Variants in UNC5C observed in about 807,000 individuals in gnomAD.
UNC5C encodes the protein unc-5 netrin receptor C, also known as netrin receptor UNC5C.
UNC5C carries 47 observed loss-of-function variants against 99.8 expected under a neutral mutation model. That is an observed-to-expected ratio of 0.47 (90% CI 0.37 to 0.60). The LOEUF is 0.60. Among genes scored for constraint, UNC5C ranks in the 20% least tolerant of loss-of-function variants. The probability of loss-of-function intolerance (pLI) is 0.00; values close to 1 mark genes in which losing one functional copy is unlikely to be tolerated. For missense variants in UNC5C, 1,062 were observed against 1,165.9 expected (o/e 0.91, Z 1.30); for synonymous variants, 487 against 452.2 (o/e 1.08, Z -0.98).
chr4:95,199,426 C>T (rs1268976876), intron 12 of UNC5C, among the ~76,000 whole-genome samples: 1 of 152,092 alleles, frequency 6.6e-6, no homozygotes, highest in Non-Finnish European at 1.5e-5. Flanking sequence ...AAGAAAGCCT[C>T]ATCCATTATT....
At chr4:95,350,491 A>T (rs933702725) in intron 1 of UNC5C, among the ~76,000 whole-genome samples, 2 of 152,066 alleles carry the variant, frequency 1.3e-5, no homozygotes, top group Non-Finnish European at 2.9e-5. Flanking sequence ...GTCTCAAAAA[A>T]AAAAAAGTTC....
chr4:95,251,761 A>G (rs949833756), intron 4 of UNC5C, among the ~76,000 whole-genome samples: 10 of 152,202 alleles, frequency 6.6e-5, no homozygotes, highest in Admixed American at 3.9e-4. Context: ...AGACGTCTAG[A>G]AATTAATCTC....
At chr4:95,492,306 G>A (rs952466525) in intron 1 of UNC5C, among the ~76,000 whole-genome samples, 9 of 150,932 alleles carry the variant, frequency 6.0e-5, no homozygotes, top group African/African-American at 1.7e-4. Context: ...TGCTACTTCC[G>A]CCATTTATTG....
At position 95,301,558 on chromosome 4, in the gene UNC5C, T is replaced by C. The variant is rs374011464; in HGVS notation, c.490+48A>G. On this transcript the variant is annotated intron_variant, in intron 3 of 15. Transcript: ENST00000453304. ...TAGTCACAGTGTAAACTTTCCCTTA[T>C]GTGTATCAACTTCTGAGACCCAAGG... The C allele has an allele frequency of 5.0e-6, 8 of 1,611,266 alleles. No individual in the cohort carries two copies. In the African/African-American group the frequency reaches 5.3e-5, roughly 11 times the overall value.
At position 95,548,962 on chromosome 4, in the gene UNC5C, C is replaced by A. The variant is rs1372608538; in HGVS notation, c.-105G>T. 2.1e-6 allele frequency: 3 copies of A among 1,453,780 alleles called. No homozygotes were observed. Among genetic ancestry groups the A allele is most frequent in the South Asian group, 2.6e-5 (2 of 76,554 alleles). The allele number at this position is 1,453,780 out of a possible 1,614,324, so 90.1% of individuals were successfully genotyped here. On this transcript the variant is annotated 5_prime_UTR_variant, in exon 1 of 16. Transcript: ENST00000453304. The stretch of plus-strand genomic sequence containing the variant: ...TGAATCCGTGCACCGCGAAGCAGTC[C>A]GAAGAAATAACGACAACCAAGCGCC...
At chr4:95,484,489 A>G (rs1234500684) in intron 1 of UNC5C, among the ~76,000 whole-genome samples, 1 of 151,764 alleles carries the variant, frequency 6.6e-6, no homozygotes, top group Non-Finnish European at 1.5e-5. Context: ...GTGTTGGGTG[A>G]CAACCTGTGG....
At chr4:95,534,835 C>A (rs1722735089) in intron 1 of UNC5C, among the ~76,000 whole-genome samples, 1 of 151,998 alleles carries the variant, frequency 6.6e-6, no homozygotes, top group South Asian at 2.1e-4. Context: ...AGAACTTTGA[C>A]CTTGCTTGGA....
At chr4:95,402,561 G>A (rs1422050675) in intron 1 of UNC5C, among the ~76,000 whole-genome samples, 1 of 152,270 alleles carries the variant, frequency 6.6e-6, no homozygotes, top group East Asian at 1.9e-4. Flanking sequence ...ATCCCAGAGG[G>A]CCTTAAAACA....
chr4:95,387,710 T>C (rs143164694), intron 1 of UNC5C, among the ~76,000 whole-genome samples: 2 of 152,250 alleles, frequency 1.3e-5, no homozygotes, highest in African/African-American at 4.8e-5. Context: ...GTAAGATTTT[T>C]TTCTTTTTGC....
intron 2 of UNC5C, among the ~76,000 whole-genome samples, chr4:95,329,183 G>A (rs1157382309): frequency 1.3e-5 from 2 of 152,140 alleles, no homozygotes; most frequent in Non-Finnish European, 2.9e-5. Flanking sequence ...TAGCTATTTG[G>A]GAGGCTGAGG....
At chr4:95,327,609 T>G (rs1218273360) in intron 2 of UNC5C, among the ~76,000 whole-genome samples, 1 of 152,166 alleles carries the variant, frequency 6.6e-6, no homozygotes, top group Non-Finnish European at 1.5e-5. Flanking sequence ...GAGAGTTTTC[T>G]ATAGCTTCAT....
At chr4:95,350,638 A>G (rs1210175555) in intron 1 of UNC5C, among the ~76,000 whole-genome samples, 1 of 152,202 alleles carries the variant, frequency 6.6e-6, no homozygotes, top group East Asian at 1.9e-4. Flanking sequence ...ACAGACAAAT[A>G]GGACAACTTA....
intron 1 of UNC5C, among the ~76,000 whole-genome samples, chr4:95,489,149 G>A (rs922928608): frequency 1.1e-4 from 16 of 150,028 alleles, no homozygotes; most frequent in Middle Eastern, 3.5e-3. Context: ...GAAGAAAGAA[G>A]GAAGGAAGGA....
chr4:95,189,759 A>G (rs1736992910), intron 12 of UNC5C, among the ~76,000 whole-genome samples: 2 of 152,250 alleles, frequency 1.3e-5, no homozygotes, highest in Non-Finnish European at 2.9e-5. Flanking sequence ...ATCACTGGCC[A>G]TCAGAGAAAT....
At chr4:95,482,868 C>T (rs78699010) in intron 1 of UNC5C, among the ~76,000 whole-genome samples, 1 of 91,312 alleles carries the variant, frequency 1.1e-5, no homozygotes, top group East Asian at 3.0e-4. Context: ...GTGGGGTGGG[C>T]GGAGGGGGGA....
chr4:95,359,913 G>A (rs2149434130), intron 1 of UNC5C, among the ~76,000 whole-genome samples: 1 of 152,192 alleles, frequency 6.6e-6, no homozygotes, highest in East Asian at 1.9e-4. Context: ...TCTCACAATA[G>A]CACCGTGGGT....
chr4:95,216,001 A>C, intron 10 of UNC5C, 123 bp downstream of exon 10: 1 of 675,262 alleles, frequency 1.5e-6, no homozygotes, highest in Non-Finnish European at 2.4e-6. Context: ...TCAAGGGAAA[A>C]AGAATGTATG....
intron 1 of UNC5C, among the ~76,000 whole-genome samples, chr4:95,526,017 T>C (rs1722490156): frequency 6.6e-6 from 1 of 152,206 alleles, no homozygotes; most frequent in Admixed American, 6.5e-5. Context: ...AAGCATACTC[T>C]GTTATTTGAC....
chr4:95,290,360 T>G (rs1392160397), intron 3 of UNC5C, among the ~76,000 whole-genome samples: 1 of 151,480 alleles, frequency 6.6e-6, no homozygotes, highest in Non-Finnish European at 1.5e-5. Flanking sequence ...TTTTTTTAAC[T>G]TATCTTTCCT....
Sources: allele counts gnomAD v4.1 joint callset (sites outside exome capture counted in the v4.1 genomes callset), GRCh38; gene constraint gnomAD v4.1.1; transcripts MANE v1.5; gene names NCBI Gene and HGNC (gene_info 2026-07-23, HGNC 2026-07-21).